SLC4A10: variants seen among roughly 807,000 people sequenced by gnomAD.
SLC4A10 encodes sodium-driven chloride bicarbonate exchanger.
SLC4A10 carries 42 observed loss-of-function variants against 137.7 expected under a neutral mutation model. The observed-to-expected ratio is 0.30, with a 90% CI of 0.24 to 0.39. The LOEUF is 0.39. Among genes scored for constraint, SLC4A10 ranks in the 10% least tolerant of loss-of-function variants. The probability of loss-of-function intolerance (pLI) is 1.00; values close to 1 mark genes in which losing one functional copy is unlikely to be tolerated. For synonymous variants in SLC4A10, 474 were observed against 464.1 expected (o/e 1.02, Z -0.27); for missense variants, 925 against 1,355.0 (o/e 0.68, Z 4.98).
chr2:161,652,489 A>G (rs1351280935), intron 1 of SLC4A10, among the ~76,000 whole-genome samples: 5 of 152,184 alleles, frequency 3.3e-5, no homozygotes, highest in Admixed American at 2.6e-4. Context: ...ATACAAATAT[A>G]TTTACATTTC....
At chr2:161,648,808 T>G (rs1364168960) in intron 1 of SLC4A10, among the ~76,000 whole-genome samples, 1 of 152,254 alleles carries the variant, frequency 6.6e-6, no homozygotes, top group Non-Finnish European at 1.5e-5. Context: ...TTGATCTATC[T>G]CATTGTTTGT....
At chr2:161,878,965 A>T (rs1459437143) in intron 8 of SLC4A10, among the ~76,000 whole-genome samples, 166 bp from the exon 9 acceptor site, 1 of 152,160 alleles carries the variant, frequency 6.6e-6, no homozygotes, top group Non-Finnish European at 1.5e-5. Flanking sequence ...CCACAAGTAA[A>T]GAAAAAAGGT....
rs143484034 is a variant in SLC4A10, at chr2:161,706,064, T to C, written c.49-64909T>C. ...AGTAATTAATTGTGTTAAATTACTA[T>C]TAAGAGGGTCAAGTAATAGATGTTA... On this transcript the variant is annotated intron_variant, in intron 1 of 26. Transcript: ENST00000446997. 4.0e-5 allele frequency among the ~76,000 whole-genome samples: 6 copies of C among 151,572 alleles called. 1 individual carries two copies. The East Asian group carries it at 1.2e-3, about 30-fold the overall frequency.
rs536755994 is a variant in SLC4A10, at chr2:161,806,791, C to T, written c.277+2196C>T. ...CTTTCCCACATTTTCCTATCTTCTTCTGACCCCTCCAAACTGTTCCAACTT... is the reference window on the plus strand; with the variant it reads ...CTTTCCCACATTTTCCTATCTTCTTTTGACCCCTCCAAACTGTTCCAACTT... On this transcript the variant is annotated intron_variant, in intron 3 of 26. Transcript: ENST00000446997. Among the ~76,000 whole-genome samples the T allele has an allele frequency of 1.1e-4, 17 of 152,310 alleles. No homozygotes were observed. The East Asian group carries it at 3.3e-3, about 29-fold the overall frequency.
At chr2:161,902,479 A>G (rs1553615431) in intron 12 of SLC4A10, among the ~76,000 whole-genome samples, 1 of 152,168 alleles carries the variant, frequency 6.6e-6, no homozygotes, top group Non-Finnish European at 1.5e-5. Flanking sequence ...TAAAATAAAA[A>G]AAAGTGCATA....
intron 1 of SLC4A10, among the ~76,000 whole-genome samples, chr2:161,677,082 G>T (rs1045013574): frequency 3.3e-5 from 5 of 152,098 alleles, no homozygotes; most frequent in Admixed American, 3.3e-4. Context: ...TGTTTGGGTT[G>T]TTTGGGTGGA....
intron 1 of SLC4A10, among the ~76,000 whole-genome samples, chr2:161,715,998 G>T (rs2044827739): frequency 6.6e-6 from 1 of 152,006 alleles, no homozygotes; most frequent in African/African-American, 2.4e-5. Context: ...AGCATCTGTT[G>T]TTTCTTGACT....
At chr2:161,840,993 A>G (rs961324) in intron 4 of SLC4A10, among the ~76,000 whole-genome samples, 103,006 of 152,024 alleles carry the variant, frequency 0.68, 35,217 homozygotes, top group East Asian at 0.98. Context: ...TTAGCTAGGC[A>G]GAAAAGCAGA....
At chr2:161,769,399 C>T (rs1244257509) in intron 1 of SLC4A10, among the ~76,000 whole-genome samples, 2 of 151,922 alleles carry the variant, frequency 1.3e-5, no homozygotes, top group Non-Finnish European at 2.9e-5. Flanking sequence ...CTTTCAAGGC[C>T]TACTGGAACT....
At chr2:161,634,050 C>A (rs1417965172) in intron 1 of SLC4A10, among the ~76,000 whole-genome samples, 2 of 151,788 alleles carry the variant, frequency 1.3e-5, no homozygotes, top group African/African-American at 2.4e-5. Context: ...ATTCGAATAT[C>A]ACCAGTGTTT....
intron 1 of SLC4A10, among the ~76,000 whole-genome samples, chr2:161,732,354 A>G (rs899256310): frequency 6.6e-6 from 1 of 152,190 alleles, no homozygotes; most frequent in Non-Finnish European, 1.5e-5. Flanking sequence ...TTAGCATACA[A>G]AAAGATTCCC....
chr2:161,726,952 A>G (rs566699246), intron 1 of SLC4A10, among the ~76,000 whole-genome samples: 5 of 152,346 alleles, frequency 3.3e-5, no homozygotes, highest in Admixed American at 6.5e-5. Context: ...TGTTTAAAAA[A>G]GAGTATTGGA....
In SLC4A10 at chr2:161,984,844, GTTT is replaced by G. The variant is rs1700633867; in HGVS notation, c.*1694_*1696del. Reference sequence around the variant, plus strand: ...ATACTACATTGTAAACATTTCCATTGTTTTATGATTTAGCCAGTGATTCCCCAA... The same window carrying G: ...ATACTACATTGTAAACATTTCCATTGTATGATTTAGCCAGTGATTCCCCAA... On this transcript the variant is annotated 3_prime_UTR_variant, in exon 27 of 27. Transcript: ENST00000446997. The G allele has an allele frequency of 6.6e-6, 1 of 151,910 alleles. No individual in the cohort carries two copies. Among genetic ancestry groups the G allele is most frequent in the South Asian group, 2.1e-4 (1 of 4,818 alleles). The allele number at this position is 151,910 out of a possible 1,614,324, so 9.4% of individuals were successfully genotyped here. A position where few individuals can be genotyped will look rare whatever the true frequency, so the allele number is the denominator to read the frequency against.
chr2:161,884,204 C>T (rs2062041171), intron 10 of SLC4A10, among the ~76,000 whole-genome samples: 1 of 152,104 alleles, frequency 6.6e-6, no homozygotes, highest in South Asian at 2.1e-4. Flanking sequence ...CTTTCACATA[C>T]ATTTGTTTAA....
At chr2:161,675,694 AC>A (rs1351924027) in intron 1 of SLC4A10, among the ~76,000 whole-genome samples, 2 of 152,002 alleles carry the variant, frequency 1.3e-5, no homozygotes, top group Non-Finnish European at 2.9e-5. Context: ...AATTCCATGG[AC>A]CTTTTTTTCT....
At chr2:161,744,756 C>G (rs892412415) in intron 1 of SLC4A10, among the ~76,000 whole-genome samples, 2 of 152,086 alleles carry the variant, frequency 1.3e-5, no homozygotes, top group African/African-American at 4.8e-5. Context: ...ATCCTCCTTG[C>G]TTTTTAACTT....
At chr2:161,700,157 A>G (rs1178722408) in intron 1 of SLC4A10, among the ~76,000 whole-genome samples, 1 of 152,204 alleles carries the variant, frequency 6.6e-6, no homozygotes, top group African/African-American at 2.4e-5. Context: ...ATTAAAGGCC[A>G]GTAGTTGTTG....
chr2:161,872,040 T>G (rs1174137714), intron 6 of SLC4A10, among the ~76,000 whole-genome samples: 1 of 152,196 alleles, frequency 6.6e-6, no homozygotes, highest in African/African-American at 2.4e-5. Flanking sequence ...TAGATAATCC[T>G]TATTGAAAAT....
intron 1 of SLC4A10, among the ~76,000 whole-genome samples, chr2:161,659,957 C>A (rs2038069913): frequency 6.6e-6 from 1 of 151,402 alleles, no homozygotes; most frequent in Non-Finnish European, 1.5e-5. Context: ...TTAGGCAAAT[C>A]CATAGAGACA....
Sources: allele counts gnomAD v4.1 joint callset (sites outside exome capture counted in the v4.1 genomes callset), GRCh38; gene constraint gnomAD v4.1.1; transcripts MANE v1.5; gene names NCBI Gene and HGNC (gene_info 2026-07-23, HGNC 2026-07-21).